Variants in AGBL4 observed in about 807,000 individuals in gnomAD.
The protein encoded by AGBL4 is cytosolic carboxypeptidase 6.
AGBL4 carries 58 observed loss-of-function variants against 66.4 expected under a neutral mutation model. That is an observed-to-expected ratio of 0.87 (90% confidence interval 0.71 to 1.09). The LOEUF is 1.09. Ranked by LOEUF, AGBL4 falls within the 50% of genes least tolerant of loss-of-function variation. AGBL4 has a pLI of 0.00. For missense variants in AGBL4, 579 were observed against 631.0 expected (o/e 0.92, Z 0.88); for synonymous variants, 234 against 222.9 (o/e 1.05, Z -0.44).
rs1216718184 is a variant in AGBL4, at chr1:49,971,941, G to A, written c.34+51822C>T. Among the ~76,000 whole-genome samples the A allele has an allele frequency of 2.4e-3, 11 of 4,582 alleles. 1 individual carries two copies. Among genetic ancestry groups the A allele is most frequent in the Non-Finnish European group, 9.5e-3 (6 of 634 alleles). 3.0% of individuals were successfully genotyped at this position (4,582 alleles called of 152,430 possible). On this transcript the variant is annotated intron_variant, in intron 1 of 13. Transcript: ENST00000371839. ...TTTTTTTTTTTTTTTTTGCAGGGACGGAGTCTCGCTCTGTCACCCAGGCTG... is the reference window on the plus strand; with the variant it reads ...TTTTTTTTTTTTTTTTTGCAGGGACAGAGTCTCGCTCTGTCACCCAGGCTG...
At chr1:49,383,398 AT>A (rs1169178843) in intron 3 of AGBL4, among the ~76,000 whole-genome samples, 1 of 152,196 alleles carries the variant, frequency 6.6e-6, no homozygotes, top group African/African-American at 2.4e-5. Flanking sequence ...ATTCAAACAT[AT>A]TACAAAACTA....
chr1:49,937,865 T>G (rs1461923659), intron 1 of AGBL4, among the ~76,000 whole-genome samples: 1 of 152,082 alleles, frequency 6.6e-6, no homozygotes, highest in African/African-American at 2.4e-5. Flanking sequence ...TATACATTTA[T>G]AGCACTAAAT....
chr1:49,494,519 G>C (rs1403979823), intron 3 of AGBL4, among the ~76,000 whole-genome samples: 1 of 151,828 alleles, frequency 6.6e-6, no homozygotes, highest in African/African-American at 2.4e-5. Context: ...GTGAGAATAT[G>C]TGGTGTTTGG....
intron 3 of AGBL4, among the ~76,000 whole-genome samples, chr1:49,535,911 T>C (rs1389494560): frequency 6.6e-6 from 1 of 152,212 alleles, no homozygotes; most frequent in East Asian, 1.9e-4. Flanking sequence ...CAGGATGGTC[T>C]AGATCTCTTG....
chr1:49,758,053 G>A (rs1652023747), intron 2 of AGBL4, among the ~76,000 whole-genome samples: 1 of 152,172 alleles, frequency 6.6e-6, no homozygotes, highest in African/African-American at 2.4e-5. Context: ...AGGACATGGT[G>A]CCCTGCATCC....
chr1:49,276,764 T>A (rs775010057), intron 3 of AGBL4, among the ~76,000 whole-genome samples: 5 of 152,218 alleles, frequency 3.3e-5, no homozygotes, highest in Admixed American at 6.5e-5. Flanking sequence ...TCTGCTCTGG[T>A]CATGCACTGA....
intron 1 of AGBL4, among the ~76,000 whole-genome samples, chr1:49,979,811 C>T (rs1658913016): frequency 6.6e-6 from 1 of 152,142 alleles, no homozygotes; most frequent in Non-Finnish European, 1.5e-5. Flanking sequence ...ACTAGTGATG[C>T]TGGAAGTGCT....
At chr1:49,163,088 T>C (rs1646568790) in intron 4 of AGBL4, among the ~76,000 whole-genome samples, 1 of 152,214 alleles carries the variant, frequency 6.6e-6, no homozygotes, top group Non-Finnish European at 1.5e-5. Flanking sequence ...AATTGGTAAA[T>C]AGGCTTTCAC....
chr1:49,763,906 C>G (rs551974569), intron 2 of AGBL4, among the ~76,000 whole-genome samples: 16 of 152,300 alleles, frequency 1.1e-4, no homozygotes, highest in African/African-American at 3.6e-4. Flanking sequence ...AGTGGCCAGA[C>G]TATACCACAT....
chr1:48,909,167 T>C (rs1652870659), intron 5 of AGBL4, among the ~76,000 whole-genome samples: 1 of 152,202 alleles, frequency 6.6e-6, no homozygotes, highest in Admixed American at 6.5e-5. Flanking sequence ...CAAAACAAGG[T>C]ATCATAGGGT....
intron 2 of AGBL4, among the ~76,000 whole-genome samples, chr1:49,735,805 A>C (rs568395518): frequency 6.6e-6 from 1 of 152,288 alleles, no homozygotes; most frequent in African/African-American, 2.4e-5. Context: ...TCTCTTCAAA[A>C]GACAGTACTA....
intron 4 of AGBL4, among the ~76,000 whole-genome samples, chr1:49,207,470 C>CTTTCTTTCT (rs869239476): frequency 3.7e-5 from 1 of 26,726 alleles, no homozygotes; most frequent in African/African-American, 1.3e-4. Context: ...CTTTCTTTCT[C>CTTTCTTTCT]TTTCTTTCTT....
chr1:49,338,973 G>A (rs1393081978), intron 3 of AGBL4, among the ~76,000 whole-genome samples: 3 of 152,084 alleles, frequency 2.0e-5, no homozygotes, highest in Non-Finnish European at 4.4e-5. Context: ...AGGTTAGGAA[G>A]TTTCTGGTAA....
chr1:49,752,672 A>C (rs143938241), intron 2 of AGBL4, among the ~76,000 whole-genome samples: 1,789 of 152,216 alleles, frequency 0.012, 16 homozygotes, highest in Middle Eastern at 0.048. Flanking sequence ...TGGGGTGTTA[A>C]AGTCTCTCAC....
intron 3 of AGBL4, among the ~76,000 whole-genome samples, chr1:49,334,204 A>G (rs1444922204): frequency 6.7e-6 from 1 of 148,768 alleles, no homozygotes; most frequent in Non-Finnish European, 1.5e-5. Context: ...TTATTTAAGT[A>G]CGTAGATAAG....
At chr1:49,335,580 A>G (rs1349214917) in intron 3 of AGBL4, among the ~76,000 whole-genome samples, 1 of 151,714 alleles carries the variant, frequency 6.6e-6, no homozygotes, top group Non-Finnish European at 1.5e-5. Context: ...CAGTGGTGCA[A>G]TCTTGGCTCA....
In AGBL4 at chr1:49,160,225, T is replaced by G. The variant is rs183618395; in HGVS notation, c.377+85545A>C. ...ATTTATCTACCTGGATCTTTGATGT[T>G]GGTGACATTTGGATGGGGTCGATTG... On this transcript the variant is annotated intron_variant, in intron 4 of 13. Coordinates refer to ENST00000371839, the MANE Select transcript of AGBL4 (RefSeq NM_032785.4). 5.9e-5 allele frequency among the ~76,000 whole-genome samples: 9 copies of G among 152,326 alleles called. No individual in the cohort carries two copies. The East Asian group carries it at 1.7e-3, about 29-fold the overall frequency.
intron 4 of AGBL4, among the ~76,000 whole-genome samples, chr1:49,082,989 A>C (rs1345133791): frequency 6.6e-6 from 1 of 152,230 alleles, no homozygotes; most frequent in East Asian, 1.9e-4. Flanking sequence ...GTGAAATCTT[A>C]AAGCTCCAAA....
chr1:48,558,218 C>A (rs138482513), intron 11 of AGBL4, among the ~76,000 whole-genome samples: 2 of 152,172 alleles, frequency 1.3e-5, no homozygotes, highest in South Asian at 4.1e-4. Flanking sequence ...CACGCATCCT[C>A]GCTTTAAGTA....
Sources: gnomAD v4.1 joint callset for allele counts (sites outside exome capture counted in the v4.1 genomes callset) on GRCh38, gnomAD v4.1.1 for gene constraint, MANE v1.5 for transcripts, NCBI Gene and HGNC (gene_info 2026-07-23, HGNC 2026-07-21) for gene names.